The following TMEM143 variants were observed in gnomAD, a reference collection of about 807,000 sequenced individuals.
The protein encoded by TMEM143 is transmembrane protein 143.
Under a neutral mutation model 40.3 loss-of-function variants are expected in TMEM143, and 45 were observed. The ratio of observed to expected loss-of-function variants is 1.12; its 90% CI spans 0.88 to 1.43. The LOEUF is 1.43. TMEM143 is among the 40% of genes most tolerant of loss of function. The pLI, the probability that TMEM143 is intolerant of heterozygous loss-of-function variation, is 0.00. For missense variants in TMEM143, 620 were observed against 613.4 expected (o/e 1.01, Z -0.11); for synonymous variants, 299 against 282.7 (o/e 1.06, Z -0.58).
chr19:48,357,107 G>A (rs1194486946), intron 3 of TMEM143, among the ~76,000 whole-genome samples: 2 of 151,394 alleles, frequency 1.3e-5, no homozygotes, highest in African/African-American at 4.9e-5. Context: ...GATTCATCAT[G>A]TTGGTCAGGC....
rs1054845450 is a variant in TMEM143, at chr19:48,342,785, C to G, written c.720G>C (p.Leu240=). Residue 240 remains leucine (L), a synonymous_variant, in exon 6 of 8, where the codon CTG becomes CTC. Transcript: ENST00000293261. ...AERRYFKRVV[L]AARTKRGHLV... ...GGTGTCCCCGTTTGGTCCGGGCTGCCAGGACCACCCGCTTAAAGTATCTCC... is the reference window on the plus strand; with the variant it reads ...GGTGTCCCCGTTTGGTCCGGGCTGCGAGGACCACCCGCTTAAAGTATCTCC... 1 of 1,607,482 alleles carries G rather than the reference C, an allele frequency of 6.2e-7. No homozygotes were observed. Among genetic ancestry groups the G allele is most frequent in the Non-Finnish European group, 8.5e-7 (1 of 1,174,722 alleles).
chr19:48,343,301 G>C lies in TMEM143; in HGVS notation c.695+20C>G. On this transcript the variant is annotated intron_variant, in intron 5 of 7. Transcript: ENST00000293261. ...ACCTTGCTCCCTCTTGCTGCAGCTG[G>C]GGAACAAGGGCCGCCTCACCTCTCC... The C allele has an allele frequency of 1.2e-6, 2 of 1,606,556 alleles. No homozygotes were observed. Among genetic ancestry groups the C allele is most frequent in the Non-Finnish European group, 1.7e-6 (2 of 1,177,510 alleles).
At position 48,345,322 on chromosome 19, in the gene TMEM143, C is replaced by T. The variant is rs1481060890; in HGVS notation, c.402G>A (p.Glu134=). ...CCGTTAGTGATGGCTGATCGAGGGT[C>T]TCCCTGTCAGGGTTGATGGGGTCAT... ...ALYDPINPDR[E]TLDQPSLTDP... is the part of the protein sequence containing the mutation. Residue 134 remains glutamate (E), a synonymous_variant, in exon 4 of 8, where the codon GAG becomes GAA. Coordinates refer to ENST00000293261, the MANE Select transcript of TMEM143 (RefSeq NM_018273.4). 1.3e-6 allele frequency: 2 copies of T among 1,589,134 alleles called. No homozygotes were observed. Among genetic ancestry groups the T allele is most frequent in the Non-Finnish European group, 1.7e-6 (2 of 1,168,536 alleles).
intron 6 of TMEM143, among the ~76,000 whole-genome samples, chr19:48,340,133 T>G (rs1353739405): frequency 6.8e-6 from 1 of 146,270 alleles, no homozygotes; most frequent in Non-Finnish European, 1.5e-5. Flanking sequence ...TTTTTTTTTT[T>G]TTTTTTTTTT....
intron 3 of TMEM143, among the ~76,000 whole-genome samples, chr19:48,351,050 T>TTTCC (rs1260529069): frequency 3.3e-5 from 5 of 152,184 alleles, no homozygotes; most frequent in South Asian, 2.1e-4. Flanking sequence ...GACTCCCAGA[T>TTTCC]TTCCATCTGC....
At chr19:48,350,717 T>C (rs990293947) in intron 3 of TMEM143, among the ~76,000 whole-genome samples, 1 of 151,252 alleles carries the variant, frequency 6.6e-6, no homozygotes, top group Non-Finnish European at 1.5e-5. Flanking sequence ...AGGTCAAGAG[T>C]TCGAGACCAG....
chr19:48,345,741 G>C (rs1238534941), intron 3 of TMEM143, among the ~76,000 whole-genome samples: 1 of 151,802 alleles, frequency 6.6e-6, no homozygotes, highest in African/African-American at 2.4e-5. Flanking sequence ...AAAGTGCTAA[G>C]ATTACAGGCA....
chr19:48,343,433 G>A lies in TMEM143; in HGVS notation c.583C>T (p.Gln195Ter). ...GCCCAGAAGTGAATGTAGACATACT[G>A]ATCCAAATTTACTGTCACCTGCCGG... ...DEVQVTVNLDQYVYIHFWALG... is the reference protein window; with the variant it reads ...DEVQVTVNLD The change falls in exon 5 of 8, where the codon CAG becomes TAG. Residue 195 changes from glutamine to a stop codon, truncating the protein, a stop_gained. Transcript: ENST00000293261. LOFTEE classifies it high-confidence loss of function. 1.3e-6 allele frequency: 2 copies of A among 1,582,330 alleles called. No individual in the cohort carries two copies. Among genetic ancestry groups the A allele is most frequent in the Non-Finnish European group, 1.7e-6 (2 of 1,163,740 alleles).
chr19:48,358,669 C>A (rs1969965875), intron 3 of TMEM143, among the ~76,000 whole-genome samples: 1 of 152,206 alleles, frequency 6.6e-6, no homozygotes, highest in South Asian at 2.1e-4. Flanking sequence ...GACCGTTTTT[C>A]ACCATTTCCA....
At position 48,336,889 on chromosome 19, in the gene TMEM143, T is replaced by C. The variant is rs563208124; in HGVS notation, c.976-2692A>G. On this transcript the variant is annotated intron_variant, in intron 6 of 7. Coordinates refer to ENST00000293261, the MANE Select transcript of TMEM143 (RefSeq NM_018273.4). ...AAACAAAATTAGCTGGGCGTGGTGG[T>C]GGGTGCCTGTAGTCCCAGCTACTCA... is the stretch of plus-strand genomic sequence containing the variant. 3.8e-3 allele frequency among the ~76,000 whole-genome samples: 558 copies of C among 147,254 alleles called. 3 individuals are homozygous for C. The highest frequency in any genetic ancestry group is 5.2e-3 in the Non-Finnish European group (343 of 66,574).
At chr19:48,356,027 T>G (rs1969882807) in intron 3 of TMEM143, among the ~76,000 whole-genome samples, 1 of 152,204 alleles carries the variant, frequency 6.6e-6, no homozygotes, top group Admixed American at 6.5e-5. Flanking sequence ...CTGGGAGAAT[T>G]AAGTGCCGTC....
intron 4 of TMEM143, 149 bp from the exon 5 acceptor site, chr19:48,343,600 T>C: frequency 9.4e-7 from 1 of 1,067,274 alleles, no homozygotes; most frequent in South Asian, 1.6e-5. Flanking sequence ...TCACATATGG[T>C]TGTCCATGTC....
At chr19:48,359,357 C>T (rs1969979819) in intron 3 of TMEM143, among the ~76,000 whole-genome samples, 1 of 151,940 alleles carries the variant, frequency 6.6e-6, no homozygotes, top group Non-Finnish European at 1.5e-5. Flanking sequence ...AGGGCCTTTG[C>T]ACTTGCTCTT....
chr19:48,341,713 T>G (rs1234061015), intron 6 of TMEM143, among the ~76,000 whole-genome samples: 1 of 152,080 alleles, frequency 6.6e-6, no homozygotes, highest in Non-Finnish European at 1.5e-5. Context: ...ACAGAGAGGT[T>G]AAGCAACTTG....
intron 6 of TMEM143, among the ~76,000 whole-genome samples, chr19:48,338,875 C>T (rs1025040821): frequency 6.6e-6 from 1 of 152,184 alleles, no homozygotes; most frequent in East Asian, 1.9e-4. Flanking sequence ...GAGCAGGCAG[C>T]CTCTGAGCTG....
rs1254364795 is a variant in TMEM143 at position 48,334,418 on chromosome 19, CTT to C, written c.976-223_976-222del. Among the ~76,000 whole-genome samples the C allele has an allele frequency of 3.0e-3, 41 of 13,474 alleles. 1 individual carries two copies. Among genetic ancestry groups the C allele is most frequent in the Middle Eastern group, 0.017 (1 of 60 alleles). 8.8% of individuals were successfully genotyped at this position (13,474 alleles called of 152,430 possible). A position where few individuals can be genotyped will look rare whatever the true frequency, so the allele number is the denominator to read the frequency against. On this transcript the variant is annotated intron_variant, in intron 6 of 7. Transcript: ENST00000293261. Reference sequence around the variant, plus strand: ...CTTTTCTTTTTCTTTCTTTTTCTCTCTTTCTTTCTTTCTTTCTTTCTTTCTTT... The same window carrying C: ...CTTTTCTTTTTCTTTCTTTTTCTCTCTCTTTCTTTCTTTCTTTCTTTCTTT...
rs1310148389 is a variant in TMEM143 at position 48,334,014 on chromosome 19, G to A, written c.1159C>T (p.Pro387Ser). The A allele has an allele frequency of 1.9e-6, 3 of 1,548,070 alleles. No homozygotes were observed. The highest frequency in any genetic ancestry group is 2.4e-5 in the East Asian group (1 of 41,456). Residue 387 changes from proline to serine, a missense_variant, in exon 7 of 8, where the codon CCC (proline) becomes TCC (serine). Pro to Ser is a moderately conservative substitution (Grantham distance 74, BLOSUM62 -1). Coordinates refer to ENST00000293261, the MANE Select transcript of TMEM143 (RefSeq NM_018273.4). ...ARRPGGTQGS[P>S]EETSRWLRSE... ...TCCCAGGGCCACGTCCTACCTTCGG[G>A]CGAGCCTTGAGTGCCCCCTGGCCGC...
At chr19:48,359,378 A>G (rs950168824) in intron 3 of TMEM143, among the ~76,000 whole-genome samples, 1 of 151,972 alleles carries the variant, frequency 6.6e-6, no homozygotes, top group Non-Finnish European at 1.5e-5. Flanking sequence ...CCATCTGCCA[A>G]GAACATCCTC....
chr19:48,360,207 A>G, intron 2 of TMEM143, 31 bp from the exon 3 acceptor site: 1 of 1,601,994 alleles, frequency 6.2e-7, no homozygotes, highest in Non-Finnish European at 8.5e-7. Flanking sequence ...ACTTCTCTGT[A>G]GGCCTTTTCC....
Sources: allele counts gnomAD v4.1 joint callset (sites outside exome capture counted in the v4.1 genomes callset), GRCh38; gene constraint gnomAD v4.1.1; transcripts MANE v1.5; gene names NCBI Gene and HGNC (gene_info 2026-07-23, HGNC 2026-07-21).